Variants in SHPRH observed in about 807,000 individuals in gnomAD.
SHPRH encodes E3 ubiquitin-protein ligase SHPRH.
Under a neutral mutation model 202.5 loss-of-function variants are expected in SHPRH, and 106 were observed. The ratio of observed to expected loss-of-function variants is 0.52; its 90% CI spans 0.45 to 0.62. SHPRH has a LOEUF of 0.62. SHPRH is among the 20% of genes least tolerant of loss of function. The pLI, the probability that SHPRH is intolerant of heterozygous loss-of-function variation, is 0.00. For synonymous variants in SHPRH, 729 were observed against 686.0 expected, an observed-to-expected ratio of 1.06 and a Z score of -0.98; for missense variants, 1,710 against 2,020.0, an observed-to-expected ratio of 0.85 and a Z score of 2.94.
chr6:145,903,621 A>G (rs1300287307), intron 25 of SHPRH: 2 of 152,070 alleles, frequency 1.3e-5, no homozygotes. Flanking sequence ...TTGACAAAAA[A>G]AGCAATTGTG....
intron 25 of SHPRH, chr6:145,906,106 T>C (rs1231651347): frequency 6.6e-6 from 1 of 152,092 alleles, no homozygotes; most frequent in Admixed American, 6.6e-5. Flanking sequence ...GGTCCACAAA[T>C]GCAGGTTTCA....
chr6:145,873,837 G>C (rs1005744249), intron 2 of SHPRH, among the ~76,000 whole-genome samples: 2 of 152,112 alleles, frequency 1.3e-5, no homozygotes, highest in African/African-American at 4.8e-5. Flanking sequence ...TCTTGAGACA[G>C]GTGAAGACTT....
At position 145,932,253 on chromosome 6, in the gene SHPRH, T is replaced by C. The variant is rs371391336; in HGVS notation, c.3112+804A>G. Among the ~76,000 whole-genome samples, 20 of 152,106 alleles carry C rather than the reference T, an allele frequency of 1.3e-4. No individual in the cohort carries two copies. The East Asian group carries it at 2.3e-3, about 18-fold the overall frequency. ...GTGTCTATATGGTGCTTATTAAAAG[T>C]GCCAGTTATATAACTTTGCTTCCAG... On this transcript the variant is annotated intron_variant, in intron 14 of 29. Transcript: ENST00000275233.
chr6:145,857,887 C>T, the SHPRH span, among the ~76,000 whole-genome samples: 1 of 152,078 alleles, frequency 6.6e-6, no homozygotes, highest in African/African-American at 2.4e-5. Context: ...AATCAATCAA[C>T]ACAATTAAAA....
intron 5 of SHPRH, 121 bp from the exon 6 acceptor site, chr6:145,947,764 T>C (rs902113008): frequency 3.2e-6 from 4 of 1,242,080 alleles, no homozygotes; most frequent in African/African-American, 1.5e-5. Flanking sequence ...ATTGAAACTA[T>C]ATTTTAGGGC....
Position 145,964,252 on chromosome 6 carries a change from G to A in SHPRH, c.-554C>T, listed in dbSNP as rs1789423636. 6.6e-6 allele frequency: 1 copy of A among 152,326 alleles called. No individual in the cohort carries two copies. The highest frequency in any genetic ancestry group is 1.5e-5 in the Non-Finnish European group (1 of 68,172). The allele number at this position is 152,326 out of a possible 1,614,324, so 9.4% of individuals were successfully genotyped here. On this transcript the variant is annotated 5_prime_UTR_variant, in exon 1 of 30. Transcript: ENST00000275233. ...CACGGGCACGCATTCGCCACCCACC[G>A]AACATGGGCTTGAGGTGGGCACGAG...
chr6:145,870,511 C>A (rs1050689782), intron 2 of SHPRH, among the ~76,000 whole-genome samples: 1 of 152,150 alleles, frequency 6.6e-6, no homozygotes, highest in Non-Finnish European at 1.5e-5. Flanking sequence ...ATCCACCCGC[C>A]TCAGCCTCCC....
intron 11 of SHPRH, 47 bp from the exon 12 acceptor site, chr6:145,935,488 T>C: frequency 6.3e-7 from 1 of 1,586,750 alleles, no homozygotes; most frequent in Non-Finnish European, 8.6e-7. Context: ...TATTACTTCA[T>C]TACTAGTTTG....
Position 145,955,350 on chromosome 6 carries a change from G to C in SHPRH, c.-28C>G, listed in dbSNP as rs1334366591. 2.5e-6 allele frequency: 4 copies of C among 1,575,734 alleles called. No individual in the cohort carries two copies. ...TCAAGTTTTCTTGGCTGGTAACTGT[G>C]AACTCTAGAGGACAAATGAAACAAC... On this transcript the variant is annotated 5_prime_UTR_variant, in exon 2 of 30. Transcript: ENST00000275233.
At chr6:145,936,318 GTGTAATTT>G (rs1165830358) in intron 11 of SHPRH, among the ~76,000 whole-genome samples, 6 of 152,016 alleles carry the variant, frequency 3.9e-5, no homozygotes, top group Non-Finnish European at 5.9e-5. Flanking sequence ...AAGACTATGA[GTGTAATTT>G]TGTAATTTTC....
chr6:145,862,079 T>A (rs1325408341), downstream of SHPRH, among the ~76,000 whole-genome samples: 2 of 152,152 alleles, frequency 1.3e-5, no homozygotes, highest in African/African-American at 2.4e-5. Flanking sequence ...TTTGGAGATC[T>A]ACTGTACAAA....
At chr6:145,942,994 A>AT in intron 9 of SHPRH, 149 bp downstream of exon 9, 3 of 902,332 alleles carry the variant, frequency 3.3e-6, no homozygotes, top group Non-Finnish European at 1.6e-6. Context: ...CTTAGTCTCA[A>AT]TTTTTTTCTT....
chr6:145,938,422 AG>A (rs1786356652), intron 11 of SHPRH, among the ~76,000 whole-genome samples: 1 of 152,202 alleles, frequency 6.6e-6, no homozygotes, highest in Non-Finnish European at 1.5e-5. Context: ...GTATCCTAAC[AG>A]CAAAAATCTG....
Position 145,948,356 on chromosome 6 carries a change from G to A in SHPRH, c.983-6C>T. 1.3e-6 allele frequency: 2 copies of A among 1,586,662 alleles called. No homozygotes were observed. Among genetic ancestry groups the A allele is most frequent in the East Asian group, 2.3e-5 (1 of 44,274 alleles). On this transcript the variant is annotated splice_region_variant and splice_polypyrimidine_tract_variant and intron_variant, in intron 4 of 29. Coordinates refer to ENST00000275233, the MANE Select transcript of SHPRH (RefSeq NM_001042683.3). ...TAAGAAGTGCAGGGCACTTTCTAAA[G>A]AAAAATATAATCATAATAACAAATT...
chr6:145,886,368 T>A lies in SHPRH; in HGVS notation c.*323A>T. ...TAGTTTACTTTCTTATTCCAACTGT[T>A]TTATGAGTGATCTTATCATAAGAAA... On this transcript the variant is annotated 3_prime_UTR_variant, in exon 30 of 30. Coordinates refer to ENST00000275233, the MANE Select transcript of SHPRH (RefSeq NM_001042683.3). The A allele has an allele frequency of 1.4e-6, 1 of 695,112 alleles. No homozygotes were observed. Among genetic ancestry groups the A allele is most frequent in the Non-Finnish European group, 2.7e-6 (1 of 374,464 alleles). The allele number at this position is 695,112 out of a possible 1,614,324, so 43.1% of individuals were successfully genotyped here.
intron 2 of SHPRH, among the ~76,000 whole-genome samples, chr6:145,878,586 C>A (rs558865502): frequency 6.6e-6 from 1 of 152,260 alleles, no homozygotes; most frequent in Non-Finnish European, 1.5e-5. Context: ...TATTCAAATC[C>A]TTTGCCCAGT....
At position 145,941,659 on chromosome 6, in the gene SHPRH, A is replaced by G. The variant is rs1562352038; in HGVS notation, c.2454T>C (p.Leu818=). ...LVAVEWWRIC[L]DEAQMVECPT... ...GACACTCAACCATCTGAGCTTCATC[A>G]AGGCAGATCCTCCACCACTCCACAG... The change falls in exon 10 of 30, where the codon CTT becomes CTC. Residue 818 remains leucine, a synonymous_variant. Coordinates refer to ENST00000275233, the MANE Select transcript of SHPRH (RefSeq NM_001042683.3). The G allele has an allele frequency of 6.2e-7, 1 of 1,614,030 alleles. No individual in the cohort carries two copies. Among genetic ancestry groups the G allele is most frequent in the Non-Finnish European group, 8.5e-7 (1 of 1,179,938 alleles).
intron 24 of SHPRH, among the ~76,000 whole-genome samples, chr6:145,911,087 T>C (rs1317527369): frequency 2.6e-5 from 4 of 152,098 alleles, no homozygotes; most frequent in Non-Finnish European, 1.5e-5. Flanking sequence ...ATTTTGAAAA[T>C]GGTTCTGGTT....
At chr6:145,907,121 A>G (rs1327350482) in intron 25 of SHPRH, 1 of 152,104 alleles carries the variant, frequency 6.6e-6, no homozygotes, top group Non-Finnish European at 1.5e-5. Context: ...TGGATGTCTT[A>G]GGCACCTTAA....
Sources: gnomAD v4.1 joint callset for allele counts (sites outside exome capture counted in the v4.1 genomes callset) on GRCh38, gnomAD v4.1.1 for gene constraint, MANE v1.5 for transcripts, NCBI Gene and HGNC (gene_info 2026-07-23, HGNC 2026-07-21) for gene names.